Variants in ZNF570 observed in about 807,000 individuals in gnomAD.
ZNF570 encodes zinc finger protein 570.
Under a neutral mutation model 14.2 loss-of-function variants are expected in ZNF570, and 8 were observed. The observed-to-expected ratio is 0.56, with a 90% CI of 0.33 to 1.02. ZNF570 has a LOEUF of 1.02. Ranked by LOEUF, ZNF570 falls within the 50% of genes least tolerant of loss-of-function variation. ZNF570 has a pLI of 0.03. For missense variants in ZNF570, 559 were observed against 624.9 expected (o/e 0.89, Z 1.12); for synonymous variants, 202 against 207.6 (o/e 0.97, Z 0.23).
intron 2 of ZNF570, among the ~76,000 whole-genome samples, chr19:37,471,949 C>T (rs1300895504): frequency 6.9e-6 from 1 of 144,988 alleles, no homozygotes; most frequent in Non-Finnish European, 1.5e-5. Flanking sequence ...GAGTCTCACT[C>T]TGTCACCCAG....
At chr19:37,476,138 G>T in intron 3 of ZNF570, 131 bp downstream of exon 3, 1 of 1,398,656 alleles carries the variant, frequency 7.1e-7, no homozygotes, top group Non-Finnish European at 9.5e-7. Flanking sequence ...AAATGGCTTA[G>T]TGTTTGTGGA....
At position 37,485,485 on chromosome 19, in the gene ZNF570, G is replaced by A. The variant is rs1286852128; in HGVS notation, c.*252G>A. ...TACAGTGGGACGATCTCAGCTCACT[G>A]CAACCTCTGACTCCCAGCCTCTGCC... On this transcript the variant is annotated 3_prime_UTR_variant, in exon 5 of 5. Transcript: ENST00000330173. 7 of 351,580 alleles carry A rather than the reference G, an allele frequency of 2.0e-5. No individual in the cohort carries two copies. The highest frequency in any genetic ancestry group is 3.0e-5 in the Non-Finnish European group (6 of 197,154). The allele number at this position is 351,580 out of a possible 1,614,324, so 21.8% of individuals were successfully genotyped here.
At chr19:37,469,108 G>A, upstream of ZNF570, 1 of 1,051,698 alleles carries the variant, frequency 9.5e-7, no homozygotes, top group Non-Finnish European at 1.2e-6. Context: ...CCGTCCCTGT[G>A]ACCGGGCCAG....
chr19:37,474,989 A>T (rs1331909204), intron 2 of ZNF570, among the ~76,000 whole-genome samples: 2 of 142,446 alleles, frequency 1.4e-5, no homozygotes, highest in Non-Finnish European at 1.5e-5. Context: ...TTTGAGATGG[A>T]GTCTCGCCCT....
intron 1 of ZNF570, 33 bp downstream of exon 1, chr19:37,469,590 G>T (rs973262110): frequency 1.4e-5 from 22 of 1,530,448 alleles, no homozygotes; most frequent in Non-Finnish European, 1.8e-5. Context: ...CTGTCACCCC[G>T]TGTGCCTGTC....
chr19:37,474,967 GTT>G (rs11285183), intron 2 of ZNF570, among the ~76,000 whole-genome samples: 168 of 138,678 alleles, frequency 1.2e-3, no homozygotes, highest in African/African-American at 3.9e-3. Context: ...TTTTGTTTTT[GTT>G]TTTTTTTTTT....
chr19:37,479,535 G>T (rs1435624936), intron 4 of ZNF570, among the ~76,000 whole-genome samples: 1 of 151,962 alleles, frequency 6.6e-6, no homozygotes, highest in Non-Finnish European at 1.5e-5. Flanking sequence ...CAAATCTTCT[G>T]TGTCCTTATG....
At chr19:37,481,347 G>T (rs2042086145) in intron 4 of ZNF570, among the ~76,000 whole-genome samples, 1 of 152,028 alleles carries the variant, frequency 6.6e-6, no homozygotes, top group African/African-American at 2.4e-5. Flanking sequence ...AGAGATGGGG[G>T]TTTCACTATG....
At chr19:37,473,782 G>C (rs967951173) in intron 2 of ZNF570, among the ~76,000 whole-genome samples, 3 of 152,156 alleles carry the variant, frequency 2.0e-5, no homozygotes, top group Non-Finnish European at 4.4e-5. Flanking sequence ...AAGAATGATA[G>C]GAATGGCATT....
Position 37,485,527 on chromosome 19 carries a change from T to C in ZNF570, c.*294T>C. 7.3e-6 allele frequency: 2 copies of C among 273,814 alleles called. No individual in the cohort carries two copies. Among genetic ancestry groups the C allele is most frequent in the Admixed American group, 4.7e-5 (1 of 21,144 alleles). 17.0% of individuals were successfully genotyped at this position (273,814 alleles called of 1,614,324 possible). A position where few individuals can be genotyped will look rare whatever the true frequency, so the allele number is the denominator to read the frequency against. On this transcript the variant is annotated 3_prime_UTR_variant, in exon 5 of 5. Coordinates refer to ENST00000330173, the MANE Select transcript of ZNF570 (RefSeq NM_144694.5). ...GCCTCTGCCTCCAGGGTTCAAGCAA[T>C]TCTCATGCATCAGCCTCCCGAGTAG...
Position 37,488,511 on chromosome 19 carries a change from C to A in ZNF570, c.*3278C>A, listed in dbSNP as rs1431617315. On this transcript the variant is annotated 3_prime_UTR_variant, in exon 5 of 5. Coordinates refer to ENST00000330173, the MANE Select transcript of ZNF570 (RefSeq NM_144694.5). The stretch of plus-strand genomic sequence containing the variant: ...TGAAAATACCTTTAATTATTCATTT[C>A]TTTTAAAAATAAGCAAATACTGTAT... 1 of 152,078 alleles carries A rather than the reference C, an allele frequency of 6.6e-6. No homozygotes were observed. Among genetic ancestry groups the A allele is most frequent in the East Asian group, 1.9e-4 (1 of 5,200 alleles). The allele number at this position is 152,078 out of a possible 1,614,324, so 9.4% of individuals were successfully genotyped here. A position where few individuals can be genotyped will look rare whatever the true frequency, so the allele number is the denominator to read the frequency against.
rs540537030 is a variant in ZNF570 at position 37,483,852 on chromosome 19, A to T, written c.257-27A>T. 2.1e-5 allele frequency: 32 copies of T among 1,555,934 alleles called. No individual in the cohort carries two copies. The South Asian group carries it at 3.8e-4, about 18-fold the overall frequency. On this transcript the variant is annotated intron_variant, in intron 4 of 4. Transcript: ENST00000330173. ...TACTTTCTGATACTCAATAGAGGAG[A>T]CATTTTTTCTTATTATTACTTTTCA...
chr19:37,487,662 C>T lies in ZNF570; in HGVS notation c.*2429C>T, dbSNP rs2042170620. 1.3e-5 allele frequency: 2 copies of T among 152,168 alleles called. No homozygotes were observed. Among genetic ancestry groups the T allele is most frequent in the African/African-American group, 4.8e-5 (2 of 41,442 alleles). The allele number at this position is 152,168 out of a possible 1,614,324, so 9.4% of individuals were successfully genotyped here. A position where few individuals can be genotyped will look rare whatever the true frequency, so the allele number is the denominator to read the frequency against. ...AAAGTTGGCGATTCTTCCTAATTATCAAATTTACTGCAATTCCAGCCAAAA... is the reference window on the plus strand; with the variant it reads ...AAAGTTGGCGATTCTTCCTAATTATTAAATTTACTGCAATTCCAGCCAAAA... On this transcript the variant is annotated 3_prime_UTR_variant, in exon 5 of 5. Coordinates refer to ENST00000330173, the MANE Select transcript of ZNF570 (RefSeq NM_144694.5).
Position 37,484,616 on chromosome 19 carries a change from T to A in ZNF570, c.994T>A (p.Cys332Ser). Residue 332 changes from cysteine to serine, a missense_variant, in exon 5 of 5, where the codon TGT (cysteine) becomes AGT (serine). Transcript: ENST00000330173. ...RVHTGEKPYE[C>S]IECGKAFSNR... The stretch of plus-strand genomic sequence containing the variant: ...TCACACGGGAGAGAAACCCTATGAA[T>A]GTATCGAATGTGGGAAAGCATTTAG... The A allele has an allele frequency of 6.2e-7, 1 of 1,614,010 alleles. No individual in the cohort carries two copies. Among genetic ancestry groups the A allele is most frequent in the East Asian group, 2.2e-5 (1 of 44,860 alleles).
Position 37,476,321 on chromosome 19 carries a change from T to C in ZNF570, c.161-18T>C. ...CCACAGCATGACAAAACTCTACTTTTTTTTTTCGTATTTGCAGGACTTTGC... is the reference window on the plus strand; with the variant it reads ...CCACAGCATGACAAAACTCTACTTTCTTTTTTCGTATTTGCAGGACTTTGC... On this transcript the variant is annotated intron_variant, in intron 3 of 4. Coordinates refer to ENST00000330173, the MANE Select transcript of ZNF570 (RefSeq NM_144694.5). 6.2e-7 allele frequency: 1 copy of C among 1,612,270 alleles called. No homozygotes were observed. The highest frequency in any genetic ancestry group is 8.5e-7 in the Non-Finnish European group (1 of 1,179,418).
chr19:37,476,317 CT>C (rs751713682), intron 3 of ZNF570, 21 bp from the exon 4 acceptor site: 1,238 of 1,322,680 alleles, frequency 9.4e-4, no homozygotes, highest in Admixed American at 2.8e-3. Context: ...CAAAACTCTA[CT>C]TTTTTTTTTC....
At chr19:37,474,800 C>A (rs2147008044) in intron 2 of ZNF570, among the ~76,000 whole-genome samples, 1 of 152,092 alleles carries the variant, frequency 6.6e-6, no homozygotes, top group East Asian at 1.9e-4. Flanking sequence ...GTGTCAAATG[C>A]AAAAGGTTGC....
chr19:37,485,410 C>CTT lies in ZNF570; in HGVS notation c.*185_*186dup. 1 of 593,688 alleles carries CTT rather than the reference C, an allele frequency of 1.7e-6. No individual in the cohort carries two copies. Among genetic ancestry groups the CTT allele is most frequent in the Non-Finnish European group, 2.6e-6 (1 of 378,602 alleles). The allele number at this position is 593,688 out of a possible 1,614,324, so 36.8% of individuals were successfully genotyped here. ...ATGCACTCAAACGGATCTTTTTTTT[C>CTT]TTTTTTTTTCTTTTTGAGACAATGT... On this transcript the variant is annotated 3_prime_UTR_variant, in exon 5 of 5. Transcript: ENST00000330173.
chr19:37,484,867 GT>G lies in ZNF570; in HGVS notation c.1246del (p.Cys416ValfsTer124). On this transcript the variant is annotated frameshift_variant, in exon 5 of 5. Transcript: ENST00000330173. LOFTEE classifies it low-confidence loss of function (END_TRUNC). ...TTCATACTGGAGAAAAACCTTATAAGTGTCAGGAATGTAGGAAAGCATTCAG... is the reference window on the plus strand; with the variant it reads ...TTCATACTGGAGAAAAACCTTATAAGGTCAGGAATGTAGGAAAGCATTCAG... ...RIHTGEKPYK[C>X]QECRKAFSQI... The G allele has an allele frequency of 6.2e-7, 1 of 1,609,756 alleles. No homozygotes were observed.
Sources: allele counts gnomAD v4.1 joint callset (sites outside exome capture counted in the v4.1 genomes callset), GRCh38; gene constraint gnomAD v4.1.1; transcripts MANE v1.5; gene names NCBI Gene and HGNC (gene_info 2026-07-23, HGNC 2026-07-21).